LVRN: variants seen among roughly 807,000 people sequenced by gnomAD.
The protein encoded by LVRN is laeverin.
Under a neutral mutation model 111.4 loss-of-function variants are expected in LVRN, and 99 were observed. The ratio of observed to expected loss-of-function variants is 0.89; its 90% CI spans 0.76 to 1.05. LVRN has a LOEUF of 1.05. Ranked by LOEUF, LVRN falls within the 50% of genes least tolerant of loss-of-function variation. The pLI is 0.00. For missense variants in LVRN, 1,414 were observed against 1,206.8 expected (o/e 1.17, Z -2.54); for synonymous variants, 488 against 449.5 (o/e 1.09, Z -1.08).
At chr5:115,997,355 T>C (rs1025782890) in intron 6 of LVRN, among the ~76,000 whole-genome samples, 3 of 152,204 alleles carry the variant, frequency 2.0e-5, no homozygotes, top group Non-Finnish European at 4.4e-5. Flanking sequence ...AATAATGTTA[T>C]ATTTCTAAGG....
At chr5:115,993,559 T>C (rs1748041827) in intron 5 of LVRN, among the ~76,000 whole-genome samples, 182 bp from the exon 6 acceptor site, 1 of 152,216 alleles carries the variant, frequency 6.6e-6, no homozygotes. Context: ...GCATGACTAA[T>C]ATCTATTTAT....
At chr5:115,990,626 C>CAGTG (rs763893767) in intron 4 of LVRN, among the ~76,000 whole-genome samples, 11 of 152,222 alleles carry the variant, frequency 7.2e-5, no homozygotes, top group Non-Finnish European at 1.5e-4. Context: ...GCCTAGAGTG[C>CAGTG]AGTGGTGCAA....
chr5:116,011,004 CATATATATAT>C, intron 14 of LVRN, 110 bp downstream of exon 14: 3 of 280,752 alleles, frequency 1.1e-5, no homozygotes, highest in Non-Finnish European at 1.8e-5. Flanking sequence ...GTCTTAGTTC[CATATATATAT>C]ATATATATAT....
chr5:115,984,479 G>T, intron 2 of LVRN, 91 bp from the exon 3 acceptor site: 1 of 1,446,366 alleles, frequency 6.9e-7, no homozygotes, highest in East Asian at 2.4e-5. Context: ...CTGGAAAGGA[G>T]TAGCTGGGTG....
At chr5:115,990,771 T>C (rs1580385489) in intron 4 of LVRN, among the ~76,000 whole-genome samples, 1 of 152,092 alleles carries the variant, frequency 6.6e-6, no homozygotes. Context: ...AGGGTTTCAC[T>C]ATGTTGGCTA....
chr5:115,998,900 A>T (rs1055239600), intron 6 of LVRN, among the ~76,000 whole-genome samples: 2 of 152,222 alleles, frequency 1.3e-5, no homozygotes, highest in Non-Finnish European at 2.9e-5. Flanking sequence ...ATGTGCTAAT[A>T]GAAAGGGATT....
intron 1 of LVRN, among the ~76,000 whole-genome samples, chr5:115,973,232 C>A (rs910546341): frequency 2.6e-5 from 4 of 152,170 alleles, no homozygotes; most frequent in Admixed American, 2.0e-4. Context: ...ACCCAGTCAA[C>A]CTTGAATTCT....
At chr5:116,024,183 T>C (rs996597776) in intron 19 of LVRN, among the ~76,000 whole-genome samples, 1 of 152,176 alleles carries the variant, frequency 6.6e-6, no homozygotes, top group African/African-American at 2.4e-5. Flanking sequence ...GTGGTCAAAA[T>C]TCATTGACTT....
chr5:115,966,188 T>A (rs1314514677), intron 1 of LVRN, among the ~76,000 whole-genome samples: 1 of 152,214 alleles, frequency 6.6e-6, no homozygotes, highest in Non-Finnish European at 1.5e-5. Flanking sequence ...ACCTTAAAGA[T>A]CATTCCCATA....
chr5:116,027,131 T>C lies in LVRN; in HGVS notation c.*1013T>C, dbSNP rs1748883829. 6.6e-6 allele frequency: 1 copy of C among 152,224 alleles called. No homozygotes were observed. Among genetic ancestry groups the C allele is most frequent in the Admixed American group, 6.5e-5 (1 of 15,280 alleles). 9.4% of individuals were successfully genotyped at this position (152,224 alleles called of 1,614,324 possible). On this transcript the variant is annotated 3_prime_UTR_variant, in exon 20 of 20. Transcript: ENST00000357872. Reference sequence around the variant, plus strand: ...CTTTACACATTTTCATCAGTCCCAATGTATGGAATTAGCTTAGTTTTCTCA... The same window carrying C: ...CTTTACACATTTTCATCAGTCCCAACGTATGGAATTAGCTTAGTTTTCTCA...
At chr5:116,014,559 T>C (rs1748559713) in intron 16 of LVRN, 32 bp downstream of exon 16, 2 of 1,564,466 alleles carry the variant, frequency 1.3e-6, no homozygotes, top group Non-Finnish European at 1.8e-6. Flanking sequence ...CTCTTGTTTT[T>C]GTCCTATTTT....
At chr5:115,964,528 A>C (rs888338946) in intron 1 of LVRN, among the ~76,000 whole-genome samples, 2 of 152,304 alleles carry the variant, frequency 1.3e-5, no homozygotes, top group Admixed American at 1.3e-4. Flanking sequence ...AAATCTTTTG[A>C]AATTACTGTG....
In LVRN at chr5:116,024,285, T is replaced by A. The variant is rs543401312; in HGVS notation, c.2833-1693T>A. ...ACACCAGGGCCTGAAACTATGTTAA[T>A]AAGAACAAGAAGAGCCTTTGTAAAT... is the stretch of plus-strand genomic sequence containing the variant. On this transcript the variant is annotated intron_variant, in intron 19 of 19. Coordinates refer to ENST00000357872, the MANE Select transcript of LVRN (RefSeq NM_173800.5). Among the ~76,000 whole-genome samples the A allele has an allele frequency of 2.3e-4, 35 of 152,050 alleles. No homozygotes were observed. In the South Asian group the frequency reaches 6.9e-3, roughly 30 times the overall value.
rs114617372 is a variant in LVRN at position 115,996,177 on chromosome 5, A to G, written c.1374+2323A>G. ...TAGAGTAAATAAGGGAAGAAGTTTA[A>G]TTCCCATAAGACAATGAAATTTACT... On this transcript the variant is annotated intron_variant, in intron 6 of 19. Coordinates refer to ENST00000357872, the MANE Select transcript of LVRN (RefSeq NM_173800.5). Among the ~76,000 whole-genome samples the G allele has an allele frequency of 4.1e-3, 629 of 152,328 alleles. 2 individuals carry two copies. Among genetic ancestry groups the G allele is most frequent in the Middle Eastern group, 6.8e-3 (2 of 294 alleles).
intron 15 of LVRN, among the ~76,000 whole-genome samples, chr5:116,012,934 A>C (rs146242235): frequency 6.6e-6 from 1 of 152,286 alleles, no homozygotes; most frequent in East Asian, 1.9e-4. Flanking sequence ...GTCTGTGAGC[A>C]CAAGTTAGTT....
At chr5:115,990,658 G>A (rs930752743) in intron 4 of LVRN, among the ~76,000 whole-genome samples, 4 of 151,996 alleles carry the variant, frequency 2.6e-5, no homozygotes, top group Admixed American at 6.6e-5. Flanking sequence ...TGACACCTCC[G>A]CCTCCTAAGT....
At chr5:115,986,355 GC>G (rs1747864000) in intron 3 of LVRN, among the ~76,000 whole-genome samples, 2 of 152,206 alleles carry the variant, frequency 1.3e-5, no homozygotes, top group South Asian at 4.1e-4. Flanking sequence ...TGATTCCTTG[GC>G]ATCCATTATC....
At chr5:115,988,852 G>A (rs548653608) in intron 4 of LVRN, among the ~76,000 whole-genome samples, 1 of 152,250 alleles carries the variant, frequency 6.6e-6, no homozygotes, top group South Asian at 2.1e-4. Flanking sequence ...CAAGCTCCTG[G>A]CATTTCTGGG....
At chr5:116,000,053 T>C (rs1371930038) in intron 7 of LVRN, 151 bp downstream of exon 7, 4 of 920,034 alleles carry the variant, frequency 4.3e-6, no homozygotes, top group Non-Finnish European at 6.3e-6. Flanking sequence ...GAAAACATGA[T>C]TAAATTAATT....
Sources: gnomAD v4.1 joint callset for allele counts (sites outside exome capture counted in the v4.1 genomes callset) on GRCh38, gnomAD v4.1.1 for gene constraint, MANE v1.5 for transcripts, NCBI Gene and HGNC (gene_info 2026-07-23, HGNC 2026-07-21) for gene names.